Variants in SLC17A5 observed in about 807,000 individuals in gnomAD.
SLC17A5 encodes the protein solute carrier family 17 member 5.
Under a neutral mutation model 59.4 loss-of-function variants are expected in SLC17A5, and 47 were observed. The ratio of observed to expected loss-of-function variants is 0.79; its 90% CI spans 0.63 to 1.01. The LOEUF is 1.01. SLC17A5 is among the 50% of genes least tolerant of loss of function. SLC17A5 has a pLI of 0.00. For synonymous variants in SLC17A5, 202 were observed against 210.7 expected (o/e 0.96, Z 0.36); for missense variants, 522 against 595.5 (o/e 0.88, Z 1.28).
At chr6:73,649,920 T>G (rs1333591386) in intron 1 of SLC17A5, among the ~76,000 whole-genome samples, 1 of 152,062 alleles carries the variant, frequency 6.6e-6, no homozygotes, top group African/African-American at 2.4e-5. Context: ...CCATACAGAA[T>G]TGGTGGGAAC....
intron 4 of SLC17A5, among the ~76,000 whole-genome samples, chr6:73,637,300 C>T (rs1461576047): frequency 6.6e-6 from 1 of 152,056 alleles, no homozygotes; most frequent in Non-Finnish European, 1.5e-5. Context: ...GCACTATCTG[C>T]CAGAGATATA....
In SLC17A5 at chr6:73,633,847, T is replaced by G. The variant is rs568192341; in HGVS notation, c.819+1535A>C. Among the ~76,000 whole-genome samples the G allele has an allele frequency of 6.6e-5, 10 of 151,248 alleles. No homozygotes were observed. In the East Asian group the frequency reaches 1.9e-3, roughly 29 times the overall value. On this transcript the variant is annotated intron_variant, in intron 6 of 10. Coordinates refer to ENST00000355773, the MANE Select transcript of SLC17A5 (RefSeq NM_012434.5). ...GTGAGCTGAGATTGTGCCACTACAC[T>G]CCAGCCTGGGTGAGAGAGCGAAACT...
At chr6:73,645,486 C>T in intron 1 of SLC17A5, 3 of 984,982 alleles carry the variant, frequency 3.0e-6, no homozygotes, top group African/African-American at 3.5e-5. Flanking sequence ...AATGTACCAC[C>T]ATGATTAAAA....
chr6:73,638,610 G>C (rs941516509), intron 3 of SLC17A5, 111 bp from the exon 4 acceptor site: 2 of 825,330 alleles, frequency 2.4e-6, no homozygotes, highest in Non-Finnish European at 4.1e-6. Context: ...AGAATCAAAC[G>C]AATCAGGTTC....
rs2150118493 is a variant in SLC17A5 at position 73,641,910 on chromosome 6, T to C, written c.306A>G (p.Gln102=). The C allele has an allele frequency of 5.0e-6, 8 of 1,613,996 alleles. No homozygotes were observed. Among genetic ancestry groups the C allele is most frequent in the South Asian group, 2.2e-5 (2 of 91,072 alleles). Residue 102 remains glutamine, a synonymous_variant, in exon 3 of 11, where the codon CAA becomes CAG. Transcript: ENST00000355773. The stretch of plus-strand genomic sequence containing the variant: ...TCCATCCTTGAGTTTCTGCATCCCA[T>C]TGGTACTTCTTACCCTACAAAAATC... The part of the protein sequence containing the change: ...VHHNQTGKKY[Q]WDAETQGWIL...
intron 6 of SLC17A5, among the ~76,000 whole-genome samples, chr6:73,633,268 G>C (rs1161980367): frequency 6.7e-6 from 1 of 149,540 alleles, no homozygotes; most frequent in Non-Finnish European, 1.5e-5. Context: ...TTACAGTGCT[G>C]ATTTCTTCTG....
At chr6:73,597,573 C>G (rs1227268602) in intron 10 of SLC17A5, among the ~76,000 whole-genome samples, 1 of 152,040 alleles carries the variant, frequency 6.6e-6, no homozygotes, top group Non-Finnish European at 1.5e-5. Flanking sequence ...TACCTTGAGC[C>G]CTGGAGTTTG....
At chr6:73,640,891 T>C (rs1769243268) in intron 3 of SLC17A5, among the ~76,000 whole-genome samples, 1 of 152,074 alleles carries the variant, frequency 6.6e-6, no homozygotes, top group African/African-American at 2.4e-5. Flanking sequence ...TAAATTGAGA[T>C]AGTTATATAA....
At chr6:73,625,139 G>A (rs1768345146) in intron 6 of SLC17A5, among the ~76,000 whole-genome samples, 1 of 151,998 alleles carries the variant, frequency 6.6e-6, no homozygotes, top group South Asian at 2.1e-4. Flanking sequence ...CTTTTTACTT[G>A]ACATCTTTGT....
In SLC17A5 at chr6:73,644,470, A is replaced by G. The variant is rs2150120804; in HGVS notation, c.228T>C (p.Asp76=). The change falls in exon 2 of 11, where the codon GAT becomes GAC. Residue 76 remains aspartate, a synonymous_variant. Coordinates refer to ENST00000355773, the MANE Select transcript of SLC17A5 (RefSeq NM_012434.5). ...DMVDSNTTLE[D]NRTSKACPEH... is the part of the protein sequence containing the mutation. ...CTGGACACGCCTTGGAAGTTCTATT[A>G]TCTTCTAAAGTTGTATTTGAATCTA... 1 of 1,614,074 alleles carries G rather than the reference A, an allele frequency of 6.2e-7. No individual in the cohort carries two copies. The highest frequency in any genetic ancestry group is 8.5e-7 in the Non-Finnish European group (1 of 1,179,938).
At chr6:73,616,641 C>T (rs1767885763) in intron 7 of SLC17A5, among the ~76,000 whole-genome samples, 1 of 146,934 alleles carries the variant, frequency 6.8e-6, no homozygotes, top group African/African-American at 2.5e-5. Flanking sequence ...CAGAGTCTTG[C>T]TCTGTTGCCT....
At chr6:73,637,527 G>A (rs1257270441) in intron 4 of SLC17A5, among the ~76,000 whole-genome samples, 1 of 152,100 alleles carries the variant, frequency 6.6e-6, no homozygotes, top group Non-Finnish European at 1.5e-5. Flanking sequence ...ATTTTTTCCT[G>A]TAGCCTGTAA....
intron 10 of SLC17A5, among the ~76,000 whole-genome samples, chr6:73,599,244 C>A (rs555212690): frequency 1.3e-5 from 2 of 151,450 alleles, no homozygotes; most frequent in Non-Finnish European, 2.9e-5. Flanking sequence ...CAGGGTCTCC[C>A]GCTCTCACCC....
At chr6:73,648,228 T>C (rs1427756484) in intron 1 of SLC17A5, among the ~76,000 whole-genome samples, 1 of 152,228 alleles carries the variant, frequency 6.6e-6, no homozygotes, top group Non-Finnish European at 1.5e-5. Flanking sequence ...GGTATAGCAG[T>C]AAAGAAAAAC....
At chr6:73,619,016 CG>C (rs1288921411) in intron 7 of SLC17A5, among the ~76,000 whole-genome samples, 1 of 151,916 alleles carries the variant, frequency 6.6e-6, no homozygotes, top group Non-Finnish European at 1.5e-5. Context: ...CCACTGCGCC[CG>C]GCCACTGTAG....
At chr6:73,620,942 T>C (rs547844050) in intron 7 of SLC17A5, among the ~76,000 whole-genome samples, 8 of 152,052 alleles carry the variant, frequency 5.3e-5, no homozygotes, top group African/African-American at 1.9e-4. Context: ...CAATCTGTAT[T>C]ATCGAACTCC....
intron 10 of SLC17A5, among the ~76,000 whole-genome samples, chr6:73,597,442 G>A (rs1373487254): frequency 6.6e-6 from 1 of 151,960 alleles, no homozygotes; most frequent in East Asian, 1.9e-4. Flanking sequence ...ACTCCAGCCT[G>A]GGCAACAGAG....
rs531948320 is a variant in SLC17A5 at position 73,626,937 on chromosome 6, A to G, written c.820-4975T>C. On this transcript the variant is annotated intron_variant, in intron 6 of 10. Coordinates refer to ENST00000355773, the MANE Select transcript of SLC17A5 (RefSeq NM_012434.5). ...TAAGCACTCACTGTCATGCCTGGCT[A>G]ATTTTTGTATTTTGGTAGAGATGGG... Among the ~76,000 whole-genome samples the G allele has an allele frequency of 4.0e-5, 6 of 151,798 alleles. No individual in the cohort carries two copies. In the East Asian group the frequency reaches 1.2e-3, roughly 29 times the overall value.
intron 3 of SLC17A5, among the ~76,000 whole-genome samples, chr6:73,638,788 A>G (rs954042879): frequency 1.3e-5 from 2 of 151,422 alleles, no homozygotes; most frequent in African/African-American, 4.9e-5. Flanking sequence ...TGGGTAACGT[A>G]GTGAGACACC....
Sources: gnomAD v4.1 joint callset for allele counts (sites outside exome capture counted in the v4.1 genomes callset) on GRCh38, gnomAD v4.1.1 for gene constraint, MANE v1.5 for transcripts, NCBI Gene and HGNC (gene_info 2026-07-23, HGNC 2026-07-21) for gene names.